The following LRMDA variants were observed in gnomAD, a reference collection of about 807,000 sequenced individuals.
LRMDA encodes the protein leucine rich melanocyte differentiation associated, also known as leucine-rich melanocyte differentiation-associated protein.
In LRMDA, 18 loss-of-function variants were observed where a neutral mutation model predicts 29.8. The observed-to-expected ratio is 0.60, with a 90% CI of 0.42 to 0.90. The LOEUF is 0.90. Among genes scored for constraint, LRMDA ranks in the 40% least tolerant of loss-of-function variants. The pLI is 0.00. For synonymous variants in LRMDA, 125 were observed against 109.4 expected (o/e 1.14, Z -0.89); for missense variants, 273 against 273.9 (o/e 1.00, Z 0.02).
intron 2 of LRMDA, among the ~76,000 whole-genome samples, chr10:75,561,496 A>G (rs1180154117): frequency 1.3e-5 from 2 of 151,876 alleles, no homozygotes; most frequent in East Asian, 1.9e-4. Context: ...TGGATTCATT[A>G]ATTTTTTAAA....
chr10:75,919,232 T>C (rs1845987485), intron 2 of LRMDA, among the ~76,000 whole-genome samples: 1 of 152,192 alleles, frequency 6.6e-6, no homozygotes, highest in African/African-American at 2.4e-5. Flanking sequence ...CTATGGCCTG[T>C]ATGATGCTAA....
intron 2 of LRMDA, among the ~76,000 whole-genome samples, chr10:75,647,849 C>T (rs1318772564): frequency 1.3e-5 from 2 of 152,130 alleles, no homozygotes; most frequent in Admixed American, 6.6e-5. Flanking sequence ...TCTCTGGTCC[C>T]ACTCCTGCCC....
intron 6 of LRMDA, among the ~76,000 whole-genome samples, chr10:76,396,312 C>T (rs1358359031): frequency 6.6e-6 from 1 of 152,190 alleles, no homozygotes; most frequent in East Asian, 1.9e-4. Flanking sequence ...AGTAGGTTGA[C>T]ATGTGGAAAG....
At chr10:76,176,975 C>A (rs374147798) in intron 5 of LRMDA, among the ~76,000 whole-genome samples, 8 of 152,128 alleles carry the variant, frequency 5.3e-5, no homozygotes, top group Non-Finnish European at 8.8e-5. Flanking sequence ...TAGTTTATAC[C>A]CATTGAGGCT....
intron 5 of LRMDA, among the ~76,000 whole-genome samples, chr10:76,085,315 AT>A (rs1047298477): frequency 2.0e-5 from 3 of 152,214 alleles, no homozygotes; most frequent in African/African-American, 7.2e-5. Context: ...GGAGGAAGAT[AT>A]TTGGAAAGCA....
intron 6 of LRMDA, among the ~76,000 whole-genome samples, chr10:76,425,574 T>TG (rs1842115581): frequency 1.3e-5 from 2 of 151,146 alleles, no homozygotes; most frequent in Non-Finnish European, 1.5e-5. Flanking sequence ...CTAATAATAA[T>TG]TATTATTTTA....
intron 6 of LRMDA, chr10:76,536,087 AT>A (rs771424498): frequency 2.6e-5 from 4 of 152,190 alleles, no homozygotes; most frequent in Non-Finnish European, 4.4e-5. Context: ...TATAGATACC[AT>A]TTTAAATGAG....
chr10:75,802,421 A>C (rs1247834940), intron 2 of LRMDA, among the ~76,000 whole-genome samples: 1 of 151,984 alleles, frequency 6.6e-6, no homozygotes, highest in Non-Finnish European at 1.5e-5. Context: ...GCTTTGGGTG[A>C]AGGATTTACT....
At chr10:76,275,290 GATTTTTTTCCCCTGA>G (rs1840117142) in intron 5 of LRMDA, among the ~76,000 whole-genome samples, 1 of 151,856 alleles carries the variant, frequency 6.6e-6, no homozygotes, top group Admixed American at 6.6e-5. Context: ...GTTGTCTAGA[GATTTTTTTCCCCTGA>G]ATTTTAGTAA....
intron 2 of LRMDA, among the ~76,000 whole-genome samples, chr10:76,030,100 C>T (rs1368728756): frequency 3.3e-5 from 5 of 152,168 alleles, no homozygotes; most frequent in African/African-American, 4.8e-5. Context: ...CTATGTCGCC[C>T]AGGCTAGATG....
chr10:76,013,816 A>T (rs1232456794), intron 2 of LRMDA, among the ~76,000 whole-genome samples: 1 of 151,860 alleles, frequency 6.6e-6, no homozygotes. Context: ...AGCAGACCCC[A>T]TTGGTGCTCT....
chr10:75,974,844 T>A (rs1296835265), intron 2 of LRMDA, among the ~76,000 whole-genome samples: 2 of 152,204 alleles, frequency 1.3e-5, no homozygotes, highest in Admixed American at 1.3e-4. Context: ...ATACCATAGA[T>A]AATAATTGCA....
At chr10:75,702,185 G>A (rs1842315967) in intron 2 of LRMDA, among the ~76,000 whole-genome samples, 1 of 152,138 alleles carries the variant, frequency 6.6e-6, no homozygotes, top group Non-Finnish European at 1.5e-5. Context: ...AGAGCATCTT[G>A]AATGTCTACT....
At chr10:76,457,828 G>A (rs765226014) in intron 6 of LRMDA, among the ~76,000 whole-genome samples, 6 of 152,138 alleles carry the variant, frequency 3.9e-5, no homozygotes, top group Non-Finnish European at 8.8e-5. Flanking sequence ...CAATCGTTCA[G>A]TATTTGCTAA....
At chr10:75,931,277 CAT>C (rs1221001710) in intron 2 of LRMDA, among the ~76,000 whole-genome samples, 1 of 152,180 alleles carries the variant, frequency 6.6e-6, no homozygotes, top group Non-Finnish European at 1.5e-5. Flanking sequence ...TCAGTCAACT[CAT>C]AGGCATTCTT....
At chr10:76,138,045 T>C (rs1007244963) in intron 5 of LRMDA, among the ~76,000 whole-genome samples, 3 of 152,208 alleles carry the variant, frequency 2.0e-5, no homozygotes, top group African/African-American at 7.2e-5. Flanking sequence ...TTTGCAACTG[T>C]AGACATTTTT....
chr10:75,686,017 C>T (rs781629638), intron 2 of LRMDA, among the ~76,000 whole-genome samples: 17 of 152,058 alleles, frequency 1.1e-4, no homozygotes, highest in Admixed American at 4.6e-4. Flanking sequence ...CATGGAGAGA[C>T]GAAGGAATTT....
chr10:76,378,007 A>G (rs897320768), intron 6 of LRMDA, among the ~76,000 whole-genome samples: 1 of 152,052 alleles, frequency 6.6e-6, no homozygotes, highest in Non-Finnish European at 1.5e-5. Context: ...TTGACTTTTT[A>G]ATCCATGGGC....
intron 5 of LRMDA, among the ~76,000 whole-genome samples, chr10:76,298,978 A>C (rs1250514113): frequency 1.3e-5 from 2 of 152,114 alleles, no homozygotes; most frequent in African/African-American, 4.8e-5. Context: ...TTGGTTGGCC[A>C]CCTTCTTCCA....
Sources: gnomAD v4.1 joint callset for allele counts (sites outside exome capture counted in the v4.1 genomes callset) on GRCh38, gnomAD v4.1.1 for gene constraint, MANE v1.5 for transcripts, NCBI Gene and HGNC (gene_info 2026-07-23, HGNC 2026-07-21) for gene names.